Variants in PRKG1 observed in about 807,000 individuals in gnomAD.
PRKG1 encodes the protein protein kinase cGMP-dependent 1.
PRKG1 carries 35 observed loss-of-function variants against 88.1 expected under a neutral mutation model. That is an observed-to-expected ratio of 0.40 (90% CI 0.30 to 0.53). The LOEUF (loss-of-function observed/expected upper bound fraction) is 0.53. PRKG1 is among the 20% of genes least tolerant of loss of function. The pLI is 0.59. For synonymous variants in PRKG1, 303 were observed against 292.5 expected (o/e 1.04, Z -0.37); for missense variants, 540 against 839.8 (o/e 0.64, Z 4.41).
chr10:51,220,030 G>A (rs1252051514), intron 2 of PRKG1, among the ~76,000 whole-genome samples: 2 of 152,164 alleles, frequency 1.3e-5, no homozygotes, highest in East Asian at 3.8e-4. Context: ...CCAGCTCCTG[G>A]CAGAAAAGGA....
At chr10:51,582,828 G>A (rs1299052228) in intron 3 of PRKG1, among the ~76,000 whole-genome samples, 1 of 151,958 alleles carries the variant, frequency 6.6e-6, no homozygotes, top group African/African-American at 2.4e-5. Context: ...AATTCCATGG[G>A]ATTTTTACCA....
chr10:51,632,858 A>G (rs774737475), intron 3 of PRKG1, among the ~76,000 whole-genome samples: 5 of 152,142 alleles, frequency 3.3e-5, no homozygotes, highest in Non-Finnish European at 7.4e-5. Context: ...CAGAGGAGTA[A>G]ATGTTTCCCT....
intron 2 of PRKG1, among the ~76,000 whole-genome samples, chr10:51,203,103 G>C (rs1837955261): frequency 6.6e-6 from 1 of 151,738 alleles, no homozygotes; most frequent in African/African-American, 2.4e-5. Context: ...GGGAGAGAGA[G>C]AGAGAGAGAA....
chr10:51,890,306 C>A (rs1034013671), intron 4 of PRKG1, among the ~76,000 whole-genome samples: 1 of 152,106 alleles, frequency 6.6e-6, no homozygotes, highest in Non-Finnish European at 1.5e-5. Context: ...TAAATAATTC[C>A]TTTGGATTAT....
chr10:51,034,668 TTATATATA>T (rs1554831108), intron 1 of PRKG1, among the ~76,000 whole-genome samples: 12 of 68,186 alleles, frequency 1.8e-4, no homozygotes, highest in East Asian at 1.0e-3. Context: ...AATATGTTAT[TTATATATA>T]TATATATATA....
At chr10:52,187,059 C>T (rs969652801) in intron 9 of PRKG1, among the ~76,000 whole-genome samples, 11 of 151,958 alleles carry the variant, frequency 7.2e-5, no homozygotes, top group African/African-American at 1.2e-4. Context: ...GGTTTATCTC[C>T]GATATTCAAG....
chr10:51,992,579 G>A (rs997067952), intron 5 of PRKG1, among the ~76,000 whole-genome samples: 1 of 151,802 alleles, frequency 6.6e-6, no homozygotes, highest in African/African-American at 2.4e-5. Context: ...TCCACCTTCT[G>A]CCACTTCCCC....
At position 51,658,714 on chromosome 10, in the gene PRKG1, A is replaced by C. The variant is rs117003412; in HGVS notation, c.593-145871A>C. Among the ~76,000 whole-genome samples the C allele has an allele frequency of 4.2e-4, 64 of 152,160 alleles. No individual in the cohort carries two copies. In the East Asian group the frequency reaches 0.012, roughly 29 times the overall value. ...AACTGGCTACAGCTTTTTGCCATTGATTTCCATAGAGAGCGGTTCTTTTAA... is the reference window on the plus strand; with the variant it reads ...AACTGGCTACAGCTTTTTGCCATTGCTTTCCATAGAGAGCGGTTCTTTTAA... On this transcript the variant is annotated intron_variant, in intron 3 of 17. Coordinates refer to ENST00000373980, the MANE Select transcript of PRKG1 (RefSeq NM_006258.4).
intron 1 of PRKG1, among the ~76,000 whole-genome samples, chr10:51,050,610 G>C (rs1171519256): frequency 2.6e-5 from 4 of 152,114 alleles, no homozygotes; most frequent in African/African-American, 9.7e-5. Context: ...AAATAATGCT[G>C]CAATAAACAT....
chr10:51,303,601 A>G (rs776187484), intron 2 of PRKG1, among the ~76,000 whole-genome samples: 4 of 151,904 alleles, frequency 2.6e-5, no homozygotes, highest in Non-Finnish European at 5.9e-5. Flanking sequence ...GGCATGATGG[A>G]TCTTATTTGC....
chr10:51,928,630 T>C (rs1437858545), intron 5 of PRKG1, among the ~76,000 whole-genome samples: 1 of 152,172 alleles, frequency 6.6e-6, no homozygotes, highest in Admixed American at 6.6e-5. Context: ...TTTTAAGGGT[T>C]ATCGGATATT....
At chr10:52,269,191 T>G (rs1015351753) in intron 10 of PRKG1, among the ~76,000 whole-genome samples, 1 of 152,102 alleles carries the variant, frequency 6.6e-6, no homozygotes, top group African/African-American at 2.4e-5. Flanking sequence ...AGAGGGAATA[T>G]GACTTTACTT....
intron 14 of PRKG1, 134 bp from the exon 15 acceptor site, chr10:52,288,592 T>C: frequency 9.5e-7 from 1 of 1,050,122 alleles, no homozygotes; most frequent in Admixed American, 2.9e-5. Flanking sequence ...TATTAATCTA[T>C]TTTCATTCCA....
chr10:51,052,151 T>C (rs1207885666), intron 1 of PRKG1, among the ~76,000 whole-genome samples: 1 of 152,182 alleles, frequency 6.6e-6, no homozygotes, highest in Admixed American at 6.5e-5. Flanking sequence ...TCAAAAATGA[T>C]TTTAGTGAAT....
At chr10:52,129,198 G>T (rs1054390513) in intron 7 of PRKG1, among the ~76,000 whole-genome samples, 5 of 152,140 alleles carry the variant, frequency 3.3e-5, no homozygotes, top group Admixed American at 2.0e-4. Context: ...GATGTTCTGT[G>T]TGAAACCAGT....
chr10:51,007,441 A>G (rs1189245441), intron 1 of PRKG1, among the ~76,000 whole-genome samples: 3 of 152,220 alleles, frequency 2.0e-5, no homozygotes, highest in Non-Finnish European at 2.9e-5. Context: ...TTAATGATAA[A>G]TTAACAGGGA....
intron 2 of PRKG1, among the ~76,000 whole-genome samples, chr10:51,236,773 G>A (rs973984816): frequency 6.6e-6 from 1 of 151,962 alleles, no homozygotes; most frequent in African/African-American, 2.4e-5. Context: ...CAAAGTGCTG[G>A]GATTACAGGT....
chr10:51,032,434 A>G (rs10822139), intron 1 of PRKG1, among the ~76,000 whole-genome samples: 44,982 of 151,866 alleles, frequency 0.3, 6,679 homozygotes, highest in Middle Eastern at 0.34. Context: ...CAGACAATGA[A>G]GATAATGCAT....
chr10:51,267,942 G>A (rs747028354), intron 2 of PRKG1, among the ~76,000 whole-genome samples: 7 of 152,074 alleles, frequency 4.6e-5, no homozygotes, highest in African/African-American at 7.2e-5. Flanking sequence ...GCCAGATATC[G>A]GGCAAAATTC....
Sources: allele counts gnomAD v4.1 joint callset (sites outside exome capture counted in the v4.1 genomes callset), GRCh38; gene constraint gnomAD v4.1.1; transcripts MANE v1.5; gene names NCBI Gene and HGNC (gene_info 2026-07-23, HGNC 2026-07-21).